Variants in GRK1 observed in about 807,000 individuals in gnomAD.
GRK1 encodes the protein G protein-coupled receptor kinase 1, also known as rhodopsin kinase GRK1.
Under a neutral mutation model 41.7 loss-of-function variants are expected in GRK1, and 28 were observed. The observed-to-expected ratio is 0.67, with a 90% CI of 0.50 to 0.92. The LOEUF (loss-of-function observed/expected upper bound fraction) is 0.92. Among genes scored for constraint, GRK1 ranks in the 40% least tolerant of loss-of-function variants. The pLI, the probability that GRK1 is intolerant of heterozygous loss-of-function variation, is 0.00. For missense variants in GRK1, 703 were observed against 671.2 expected (o/e 1.05, Z -0.52); for synonymous variants, 327 against 286.7 (o/e 1.14, Z -1.42).
At chr13:113,672,295 CTG>C in intron 3 of GRK1, among the ~76,000 whole-genome samples, 1 of 145,188 alleles carries the variant, frequency 6.9e-6, no homozygotes. Flanking sequence ...GTAAGTCTGA[CTG>C]GGGTGCTGGG....
Position 113,731,195 on chromosome 13 carries a change from A to C in GRK1, c.1070-24A>C. On this transcript the variant is annotated intron_variant, in intron 4 of 6. Coordinates refer to ENST00000335678, the MANE Select transcript of GRK1 (RefSeq NM_002929.3). The surrounding 1 kb of genome is among the most constrained non-coding windows in gnomAD (Gnocchi z 5.6). ...CCACCATGGAGGTGACCACCTCTGA[A>C]CCCGCAATGTCCCTTGCTGGCAGGT... 6.5e-7 allele frequency: 1 copy of C among 1,535,660 alleles called. No homozygotes were observed. The highest frequency in any genetic ancestry group is 8.7e-7 in the Non-Finnish European group (1 of 1,146,006).
At chr13:113,661,867 C>T in the GRK1 span, among the ~76,000 whole-genome samples, 1 of 152,164 alleles carries the variant, frequency 6.6e-6, no homozygotes, top group Non-Finnish European at 1.5e-5. Context: ...CCTCTAGGCC[C>T]AGATGATTTC....
rs1845424126 is a variant in GRK1, at chr13:113,731,655, G to T, written c.1194+312G>T. Among the ~76,000 whole-genome samples the T allele has an allele frequency of 6.6e-6, 1 of 152,164 alleles. No homozygotes were observed. Among genetic ancestry groups the T allele is most frequent in the Non-Finnish European group, 1.5e-5 (1 of 68,010 alleles). ...CCACTCAGCCTCTGAGGGCCCTGTG[G>T]GGGCCGGTCCCTCTGGTGCAGACCG... On this transcript the variant is annotated intron_variant, in intron 5 of 6. Coordinates refer to ENST00000335678, the MANE Select transcript of GRK1 (RefSeq NM_002929.3). The surrounding 1 kb of genome is among the most constrained non-coding windows in gnomAD (Gnocchi z 5.6).
At chr13:113,730,482 G>A (rs184947143) in intron 4 of GRK1, among the ~76,000 whole-genome samples, 13 of 149,862 alleles carry the variant, frequency 8.7e-5, no homozygotes, top group Non-Finnish European at 1.6e-4. Flanking sequence ...ACCCAGAGCC[G>A]TCCCTCCATC....
At chr13:113,648,353 C>T in the GRK1 span, among the ~76,000 whole-genome samples, 1 of 152,210 alleles carries the variant, frequency 6.6e-6, no homozygotes, top group Admixed American at 6.5e-5. Context: ...TGACGGACTT[C>T]GACGCGCCAG....
rs1321474761 is a variant in GRK1, at chr13:113,733,795, A to ATGTGTG, written c.1396+715_1396+716insGTGTGT. Reference sequence around the variant, plus strand: ...TGTGCATACGTGTGTGCATGTGTGTATGTGTATCTGTGTGCATACGTGTGT... The same window carrying ATGTGTG: ...TGTGCATACGTGTGTGCATGTGTGTATGTGTGTGTGTATCTGTGTGCATACGTGTGT... On this transcript the variant is annotated intron_variant, in intron 6 of 6. Transcript: ENST00000335678. Among the ~76,000 whole-genome samples the ATGTGTG allele has an allele frequency of 1.7e-4, 8 of 47,648 alleles. 1 individual carries two copies. Among genetic ancestry groups the ATGTGTG allele is most frequent in the African/African-American group, 8.3e-4 (7 of 8,384 alleles). The allele number at this position is 47,648 out of a possible 152,430, so 31.3% of individuals were successfully genotyped here.
At chr13:113,665,958 G>A (rs1044110021), upstream of GRK1, among the ~76,000 whole-genome samples, 11 of 134,318 alleles carry the variant, frequency 8.2e-5, no homozygotes, top group Admixed American at 1.5e-4. Context: ...CATCCCAGGT[G>A]TGTCCCAGGT....
chr13:113,665,688 T>C (rs2049813319), upstream of GRK1, among the ~76,000 whole-genome samples: 1 of 118,800 alleles, frequency 8.4e-6, no homozygotes, highest in African/African-American at 3.3e-5. Context: ...TAGGTGTGCC[T>C]CAGCTGTCTC....
the GRK1 span, among the ~76,000 whole-genome samples, chr13:113,651,209 T>C: frequency 6.6e-6 from 1 of 152,196 alleles, no homozygotes; most frequent in African/African-American, 2.4e-5. Context: ...AATTCAGTTT[T>C]AAAAAATGTT....
At chr13:113,733,664 T>TGC (rs1566699561) in intron 6 of GRK1, among the ~76,000 whole-genome samples, 1 of 116,344 alleles carries the variant, frequency 8.6e-6, no homozygotes, top group South Asian at 2.6e-4. Flanking sequence ...TGTGTGTGCG[T>TGC]GTGTGCACGT....
At chr13:113,669,619 G>C (rs373814834) in intron 1 of GRK1, 68 bp from the exon 2 acceptor site, 9 of 1,593,078 alleles carry the variant, frequency 5.6e-6, no homozygotes, top group Non-Finnish European at 4.3e-6. Context: ...GGGTGCACAC[G>C]GTCTCTGCGA....
At chr13:113,653,570 CAGGA>C in the GRK1 span, 427 of 687,958 alleles carry the variant, frequency 6.2e-4, 2 homozygotes, top group Non-Finnish European at 6.9e-4. Flanking sequence ...GTCTGCAGCA[CAGGA>C]AGGAAGGACC....
the GRK1 span, chr13:113,650,580 T>TGC: frequency 1.6e-6 from 2 of 1,213,194 alleles, no homozygotes; most frequent in Non-Finnish European, 2.4e-6. The surrounding 1 kb of genome is among the most constrained non-coding windows in gnomAD (Gnocchi z 5.0). Flanking sequence ...TGCGTTTGTG[T>TGC]GCGTGTGTGC....
At chr13:113,729,710 C>T (rs1244949767) in intron 4 of GRK1, among the ~76,000 whole-genome samples, 4 of 152,206 alleles carry the variant, frequency 2.6e-5, no homozygotes, top group Non-Finnish European at 5.9e-5. Flanking sequence ...TCCCTCCGCC[C>T]TCTGTCCTGT....
At chr13:113,662,291 C>A (rs1237576777), upstream of GRK1, among the ~76,000 whole-genome samples, 1 of 152,170 alleles carries the variant, frequency 6.6e-6, no homozygotes, top group African/African-American at 2.4e-5. Flanking sequence ...TCTCAGCAAA[C>A]CAAGAGTAGA....
intron 4 of GRK1, among the ~76,000 whole-genome samples, chr13:113,724,673 G>A (rs1298643922): frequency 6.6e-6 from 1 of 152,228 alleles, no homozygotes; most frequent in Non-Finnish European, 1.5e-5. Context: ...AGTGCTCAGG[G>A]CCAGTGGTCG....
chr13:113,667,226 C>A lies in GRK1; in HGVS notation c.-161C>A, dbSNP rs2049823982. ...GGCTCCCAGGGGCTTCCCAGTGGTC[C>A]CCAGGAACCCTCGACAGGGCCAGGG... On this transcript the variant is annotated 5_prime_UTR_variant, in exon 1 of 7. Transcript: ENST00000335678. The surrounding 1 kb of genome is among the most constrained non-coding windows in gnomAD (Gnocchi z 7.5). 3 of 709,652 alleles carry A rather than the reference C, an allele frequency of 4.2e-6. No individual in the cohort carries two copies. Among genetic ancestry groups the A allele is most frequent in the Non-Finnish European group, 6.8e-6 (3 of 443,556 alleles). The allele number at this position is 709,652 out of a possible 1,614,324, so 44.0% of individuals were successfully genotyped here.
the GRK1 span, among the ~76,000 whole-genome samples, chr13:113,656,145 G>A: frequency 5.8e-3 from 883 of 152,326 alleles, 8 homozygotes; most frequent in African/African-American, 0.02. Context: ...CAGTGGTGGA[G>A]GGTTTCTGTC....
upstream of GRK1, among the ~76,000 whole-genome samples, chr13:113,665,907 C>T (rs2049815050): frequency 8.3e-6 from 1 of 120,870 alleles, no homozygotes. Context: ...GTCTCAAGTG[C>T]CCCAGCTGCA....
Sources: allele counts gnomAD v4.1 joint callset (sites outside exome capture counted in the v4.1 genomes callset), GRCh38; gene constraint gnomAD v4.1.1; non-coding constraint Gnocchi (gnomAD v3.1); transcripts MANE v1.5; gene names NCBI Gene and HGNC (gene_info 2026-07-23, HGNC 2026-07-21).